The following SLC29A3 variants were observed in gnomAD, a reference collection of about 807,000 sequenced individuals.
SLC29A3 encodes the protein solute carrier family 29 member 3.
A neutral mutation model predicts 25.4 loss-of-function variants in SLC29A3; 18 were observed. The ratio of observed to expected loss-of-function variants is 0.71; its 90% CI spans 0.49 to 1.05. The LOEUF is 1.05. Ranked by LOEUF, SLC29A3 falls within the 50% of genes least tolerant of loss-of-function variation. SLC29A3 has a pLI of 0.00. For missense variants in SLC29A3, 586 were observed against 609.0 expected, an observed-to-expected ratio of 0.96 and a Z score of 0.40; for synonymous variants, 258 against 267.1, an observed-to-expected ratio of 0.97 and a Z score of 0.33.
intron 2 of SLC29A3, among the ~76,000 whole-genome samples, chr10:71,332,040 C>T (rs561765356): frequency 4.1e-4 from 62 of 152,034 alleles, no homozygotes; most frequent in South Asian, 2.3e-3. Context: ...CCTGCAGAAC[C>T]GTTTTAGTGC....
intron 4 of SLC29A3, among the ~76,000 whole-genome samples, chr10:71,376,452 A>C (rs1365335633): frequency 6.6e-6 from 1 of 152,186 alleles, no homozygotes; most frequent in East Asian, 1.9e-4. Context: ...CATTATACCC[A>C]TTCTACTAAA....
At chr10:71,377,415 C>CA (rs1721922799) in intron 4 of SLC29A3, among the ~76,000 whole-genome samples, 1 of 152,230 alleles carries the variant, frequency 6.6e-6, no homozygotes, top group South Asian at 2.1e-4. Context: ...CTCCTAGAGC[C>CA]AGGGACTGGA....
rs78769332 is a variant in SLC29A3, at chr10:71,336,315, G to A, written c.301-7894G>A. ...GATAAGTCACATCCTGAGGTTCTGG[G>A]TAGACATGAATTTTGGGGGCATGAA... On this transcript the variant is annotated intron_variant, in intron 2 of 5. Coordinates refer to ENST00000373189, the MANE Select transcript of SLC29A3 (RefSeq NM_018344.6). Among the ~76,000 whole-genome samples the A allele has an allele frequency of 9.4e-3, 1,438 of 152,284 alleles. 24 individuals carry two copies. Among genetic ancestry groups the A allele is most frequent in the African/African-American group, 0.033 (1,355 of 41,562 alleles).
At chr10:71,335,352 C>T (rs1368430124) in intron 2 of SLC29A3, among the ~76,000 whole-genome samples, 1 of 152,216 alleles carries the variant, frequency 6.6e-6, no homozygotes, top group Non-Finnish European at 1.5e-5. Flanking sequence ...CCAAGTGGAG[C>T]CCCCAAGGTT....
At chr10:71,360,807 A>G (rs1847035834) in intron 5 of SLC29A3, among the ~76,000 whole-genome samples, 1 of 152,242 alleles carries the variant, frequency 6.6e-6, no homozygotes, top group African/African-American at 2.4e-5. Context: ...GTAGAGGAGC[A>G]GTTAAATTGT....
chr10:71,343,732 G>A (rs759570434), intron 2 of SLC29A3, among the ~76,000 whole-genome samples: 7 of 152,200 alleles, frequency 4.6e-5, no homozygotes, highest in Non-Finnish European at 1.0e-4. Context: ...AGGATCACTT[G>A]AGCTCAGGAG....
chr10:71,353,585 C>G (rs1371869404), intron 4 of SLC29A3, among the ~76,000 whole-genome samples: 1 of 152,130 alleles, frequency 6.6e-6, no homozygotes, highest in Admixed American at 6.6e-5. Flanking sequence ...TTTAGTACTT[C>G]TACGCCAGTA....
At chr10:71,363,805 T>TAC (rs1564544653), downstream of SLC29A3, among the ~76,000 whole-genome samples, 19 of 69,634 alleles carry the variant, frequency 2.7e-4, no homozygotes, top group Non-Finnish European at 5.4e-4. Flanking sequence ...TTTTTTCCTT[T>TAC]TTCTTTTCTT....
chr10:71,366,685 G>T (rs920922715), downstream of SLC29A3, among the ~76,000 whole-genome samples: 1 of 152,152 alleles, frequency 6.6e-6, no homozygotes, highest in African/African-American at 2.4e-5. Flanking sequence ...CTCTTCATCA[G>T]CTCGGAGGTG....
At chr10:71,352,784 GAC>G (rs1261275849) in intron 4 of SLC29A3, 2 of 152,404 alleles carry the variant, frequency 1.3e-5, no homozygotes, top group South Asian at 2.1e-4. Flanking sequence ...CTAAGCTGGA[GAC>G]ACACACATCT....
chr10:71,381,343 C>T (rs1233861070), exon 5 of SLC29A3: 1 of 152,210 alleles, frequency 6.6e-6, no homozygotes, highest in Non-Finnish European at 1.5e-5. Flanking sequence ...GAACTTAAAA[C>T]TACTCTAAAA....
rs1222116278 is a variant in SLC29A3, at chr10:71,351,754, C to G, written c.576C>G (p.Ser192=). 1.9e-6 allele frequency: 3 copies of G among 1,613,862 alleles called. 1 individual carries two copies. In the South Asian group the frequency reaches 3.3e-5, roughly 18 times the overall value. ...GCAGCATCTACGGCATGACCGGCTC[C>G]TTTCCTATGAGGAACTCCCAGGCAC... The part of the protein sequence containing the change: ...FSSSIYGMTG[S]FPMRNSQALI... The change falls in exon 4 of 6, where the codon TCC becomes TCG. Residue 192 remains serine, a synonymous_variant. Transcript: ENST00000373189.
chr10:71,378,231 GA>G (rs1467672516), intron 4 of SLC29A3, among the ~76,000 whole-genome samples: 1 of 152,118 alleles, frequency 6.6e-6, no homozygotes, highest in African/African-American at 2.4e-5. Flanking sequence ...ACGACCATAT[GA>G]ATGCATAGCT....
At position 71,339,218 on chromosome 10, in the gene SLC29A3, G is replaced by T. The variant is rs181818284; in HGVS notation, c.301-4991G>T. ...GCTGTGGTAAGAGCACATGGGCTGG[G>T]GTGTGTGCAGGCCCTCTGGAAGCTG... is the stretch of plus-strand genomic sequence containing the variant. On this transcript the variant is annotated intron_variant, in intron 2 of 5. Coordinates refer to ENST00000373189, the MANE Select transcript of SLC29A3 (RefSeq NM_018344.6). Among the ~76,000 whole-genome samples the T allele has an allele frequency of 2.0e-5, 3 of 152,272 alleles. No homozygotes were observed. In the East Asian group the frequency reaches 5.8e-4, roughly 29 times the overall value.
chr10:71,366,605 G>T (rs1455990651), downstream of SLC29A3, among the ~76,000 whole-genome samples: 1 of 152,096 alleles, frequency 6.6e-6, no homozygotes, highest in African/African-American at 2.4e-5. Context: ...TTCAACCAGG[G>T]GTGGTATTAT....
intron 2 of SLC29A3, among the ~76,000 whole-genome samples, chr10:71,333,360 G>A (rs1043717890): frequency 3.9e-5 from 6 of 152,258 alleles, no homozygotes; most frequent in African/African-American, 1.2e-4. Context: ...TTCTGTGCAC[G>A]TCTGTGCCTG....
intron 5 of SLC29A3, among the ~76,000 whole-genome samples, chr10:71,356,574 C>G (rs149280546): frequency 2.6e-4 from 39 of 152,354 alleles, no homozygotes; most frequent in African/African-American, 8.9e-4. Context: ...CACCTGTAAT[C>G]CCAGCACTTT....
At chr10:71,341,913 G>A (rs535924286) in intron 2 of SLC29A3, among the ~76,000 whole-genome samples, 3 of 152,328 alleles carry the variant, frequency 2.0e-5, no homozygotes, top group African/African-American at 7.2e-5. Context: ...GCTGGAGACC[G>A]CCCTCAGCAA....
intron 2 of SLC29A3, among the ~76,000 whole-genome samples, chr10:71,338,853 G>T (rs533431761): frequency 1.1e-4 from 16 of 152,242 alleles, no homozygotes; most frequent in Non-Finnish European, 1.9e-4. Flanking sequence ...TGCCCTCCCT[G>T]AGAGGAACGT....
Sources: allele counts gnomAD v4.1 joint callset (sites outside exome capture counted in the v4.1 genomes callset), GRCh38; gene constraint gnomAD v4.1.1; transcripts MANE v1.5; gene names NCBI Gene and HGNC (gene_info 2026-07-23, HGNC 2026-07-21).